Variants in ZNF385D observed in about 807,000 individuals in gnomAD.
The protein encoded by ZNF385D is zinc finger protein 385D, also known as zinc finger protein 659.
Under a neutral mutation model 35.8 loss-of-function variants are expected in ZNF385D, and 15 were observed. That is an observed-to-expected ratio of 0.42 (90% CI 0.28 to 0.64). The LOEUF is 0.64. ZNF385D is among the 30% of genes least tolerant of loss of function. The pLI is 0.23. For missense variants in ZNF385D, 474 were observed against 494.6 expected (o/e 0.96, Z 0.39); for synonymous variants, 212 against 186.8 (o/e 1.13, Z -1.10).
intron 3 of ZNF385D, among the ~76,000 whole-genome samples, chr3:21,863,497 T>C (rs1010094572): frequency 1.3e-4 from 20 of 152,182 alleles, no homozygotes; most frequent in African/African-American, 4.3e-4. Context: ...GAAATAGAAA[T>C]AGAATGTAAA....
At chr3:21,491,335 T>C (rs979548980) in intron 4 of ZNF385D, among the ~76,000 whole-genome samples, 2 of 152,004 alleles carry the variant, frequency 1.3e-5, no homozygotes, top group Non-Finnish European at 2.9e-5. Flanking sequence ...TGATCAATAA[T>C]GGGCAGCATC....
At chr3:21,517,739 TCTAATTACTCAGTGG>T (rs1356788273) in intron 3 of ZNF385D, among the ~76,000 whole-genome samples, 3 of 152,194 alleles carry the variant, frequency 2.0e-5, no homozygotes, top group African/African-American at 4.8e-5. Context: ...CAGTATGCAT[TCTAATTACTCAGTGG>T]CTTTTTGAAT....
At chr3:22,354,547 T>C (rs1327230851) in intron 2 of ZNF385D, among the ~76,000 whole-genome samples, 2 of 152,084 alleles carry the variant, frequency 1.3e-5, no homozygotes, top group African/African-American at 2.4e-5. Context: ...ATTGTATTCA[T>C]TCAATTAAAT....
At chr3:21,596,115 T>A (rs62236140) in intron 2 of ZNF385D, among the ~76,000 whole-genome samples, 30,548 of 152,152 alleles carry the variant, frequency 0.2, 3,813 homozygotes, top group Middle Eastern at 0.29. Flanking sequence ...ATAGAAACTC[T>A]TTGTGTTTTA....
intron 3 of ZNF385D, among the ~76,000 whole-genome samples, chr3:21,989,961 A>G (rs950189538): frequency 1.3e-5 from 2 of 152,230 alleles, no homozygotes; most frequent in Admixed American, 6.5e-5. Context: ...TAACATTTCC[A>G]GCACCCAAAC....
intron 2 of ZNF385D, among the ~76,000 whole-genome samples, chr3:21,628,935 T>G (rs940067881): frequency 6.6e-6 from 1 of 152,152 alleles, no homozygotes; most frequent in Non-Finnish European, 1.5e-5. Context: ...TATGACTCCA[T>G]GTACCTTTTC....
chr3:21,592,755 A>AT (rs1438712366), intron 2 of ZNF385D, among the ~76,000 whole-genome samples: 1 of 152,178 alleles, frequency 6.6e-6, no homozygotes, highest in Non-Finnish European at 1.5e-5. Context: ...TTTCAAGAAT[A>AT]AAACCTATTC....
intron 3 of ZNF385D, among the ~76,000 whole-genome samples, chr3:21,837,796 C>T (rs563494033): frequency 1.9e-4 from 29 of 150,506 alleles, no homozygotes; most frequent in Admixed American, 1.6e-3. Flanking sequence ...TGCTTGAACC[C>T]GAGAGGTGGA....
intron 3 of ZNF385D, among the ~76,000 whole-genome samples, chr3:21,519,658 A>G (rs1292859320): frequency 2.6e-5 from 4 of 152,190 alleles, no homozygotes; most frequent in East Asian, 1.9e-4. Context: ...AAATTTGCTC[A>G]GTCCTTTTTG....
chr3:21,734,284 G>GT (rs1559564290), intron 1 of ZNF385D, among the ~76,000 whole-genome samples: 3 of 58,502 alleles, frequency 5.1e-5, no homozygotes, highest in Non-Finnish European at 8.2e-5. Context: ...GAACACTCAG[G>GT]GTTTTTTTTT....
chr3:21,613,367 T>G (rs1181132235), intron 2 of ZNF385D, among the ~76,000 whole-genome samples: 1 of 152,024 alleles, frequency 6.6e-6, no homozygotes, highest in Admixed American at 6.6e-5. Flanking sequence ...CTTAACTGAT[T>G]ATGTTTTTAT....
intron 3 of ZNF385D, among the ~76,000 whole-genome samples, chr3:22,095,216 A>T (rs966168811): frequency 6.6e-6 from 1 of 150,930 alleles, no homozygotes; most frequent in South Asian, 2.1e-4. Context: ...TGTGAACGAT[A>T]GCACCTGGTC....
intron 4 of ZNF385D, among the ~76,000 whole-genome samples, chr3:21,445,013 G>C (rs1357245153): frequency 1.3e-5 from 2 of 152,148 alleles, no homozygotes; most frequent in African/African-American, 2.4e-5. Context: ...GAAGGAGGAA[G>C]AAGCAGAGGC....
chr3:21,670,922 T>A (rs2125282492), intron 1 of ZNF385D, among the ~76,000 whole-genome samples: 2 of 152,130 alleles, frequency 1.3e-5, no homozygotes, highest in Admixed American at 1.3e-4. Flanking sequence ...AGACCACCGA[T>A]GGCAGAGTGC....
intron 4 of ZNF385D, among the ~76,000 whole-genome samples, chr3:21,438,382 G>A (rs1701680830): frequency 6.6e-6 from 1 of 152,090 alleles, no homozygotes; most frequent in South Asian, 2.1e-4. Context: ...AAGAGACTTG[G>A]CCAGGATGTA....
chr3:22,320,519 A>G (rs1028768051), intron 2 of ZNF385D, among the ~76,000 whole-genome samples: 1 of 151,564 alleles, frequency 6.6e-6, no homozygotes, highest in African/African-American at 2.4e-5. Context: ...TAGTGAGGAA[A>G]TATTTATTAG....
chr3:21,835,068 CTCACT>C (rs1695243815), intron 3 of ZNF385D, among the ~76,000 whole-genome samples: 1 of 152,104 alleles, frequency 6.6e-6, no homozygotes, highest in Non-Finnish European at 1.5e-5. Flanking sequence ...CCTAAATAAA[CTCACT>C]TGTTTATTGG....
intron 3 of ZNF385D, among the ~76,000 whole-genome samples, chr3:21,525,738 A>C (rs1708186321): frequency 6.6e-6 from 1 of 152,084 alleles, no homozygotes; most frequent in African/African-American, 2.4e-5. Flanking sequence ...AGACATTAAA[A>C]AATTTTTTAG....
At chr3:21,583,237 G>T (rs1373855886) in intron 2 of ZNF385D, among the ~76,000 whole-genome samples, 1 of 152,004 alleles carries the variant, frequency 6.6e-6, no homozygotes, top group African/African-American at 2.4e-5. Context: ...GGCCCAAAGG[G>T]GTTTGCAAAC....
Sources: gnomAD v4.1 joint callset for allele counts (sites outside exome capture counted in the v4.1 genomes callset) on GRCh38, gnomAD v4.1.1 for gene constraint, MANE v1.5 for transcripts, NCBI Gene and HGNC (gene_info 2026-07-23, HGNC 2026-07-21) for gene names.